KIAA1671: variants seen among roughly 807,000 people sequenced by gnomAD.
KIAA1671 encodes the protein KIAA1671, also known as uncharacterized protein KIAA1671.
Under a neutral mutation model 131.2 loss-of-function variants are expected in KIAA1671, and 52 were observed. The observed-to-expected ratio is 0.40, with a 90% CI of 0.32 to 0.50. The LOEUF is 0.50. KIAA1671 is among the 20% of genes least tolerant of loss of function. The probability of loss-of-function intolerance (pLI) is 0.73; values close to 1 mark genes in which losing one functional copy is unlikely to be tolerated. For synonymous variants in KIAA1671, 1,003 were observed against 961.6 expected (o/e 1.04, Z -0.80); for missense variants, 2,360 against 2,364.2 (o/e 1.00, Z 0.04).
At chr22:25,025,870 TTC>T (rs1366446790) in intron 2 of KIAA1671, 86 bp downstream of exon 2, 2 of 152,314 alleles carry the variant, frequency 1.3e-5, no homozygotes, top group Non-Finnish European at 2.9e-5. Flanking sequence ...CCAGAGAATT[TTC>T]TCTCTGTCCT....
At chr22:24,969,250 CAG>C (rs1922472807) in intron 1 of KIAA1671, among the ~76,000 whole-genome samples, 1 of 152,144 alleles carries the variant, frequency 6.6e-6, no homozygotes, top group East Asian at 1.9e-4. Flanking sequence ...TTGGTATACT[CAG>C]GGGATTGGTT....
intron 6 of KIAA1671, among the ~76,000 whole-genome samples, chr22:25,144,087 A>C (rs1932842835): frequency 6.6e-6 from 1 of 152,200 alleles, no homozygotes; most frequent in African/African-American, 2.4e-5. Context: ...GCTTTGTTGT[A>C]AAAGTGTTTG....
chr22:25,125,349 T>A (rs1268534090), intron 6 of KIAA1671, among the ~76,000 whole-genome samples: 2 of 152,162 alleles, frequency 1.3e-5, no homozygotes, highest in African/African-American at 4.8e-5. Flanking sequence ...ATCCAAGAGG[T>A]ATTATCTATG....
Position 25,185,125 on chromosome 22 carries a change from G to A in KIAA1671, c.5342+6G>A. The A allele has an allele frequency of 1.3e-6, 2 of 1,538,910 alleles. No homozygotes were observed. Among genetic ancestry groups the A allele is most frequent in the Non-Finnish European group, 1.8e-6 (2 of 1,140,362 alleles). ...AGCATGGACAAGGATGAGAGGTGAG[G>A]GGTCTTGGGGAATGGGGGTCCCTCT... On this transcript the variant is annotated splice_donor_region_variant and intron_variant, in intron 11 of 12. Coordinates refer to ENST00000358431, the MANE Select transcript of KIAA1671 (RefSeq NM_001145206.2).
chr22:24,981,494 T>C (rs1215049080), intron 1 of KIAA1671, among the ~76,000 whole-genome samples: 1 of 152,172 alleles, frequency 6.6e-6, no homozygotes, highest in Non-Finnish European at 1.5e-5. Context: ...GACATGACTC[T>C]TAGCCCTGGA....
At chr22:24,958,994 A>AAG (rs1555946879) in intron 1 of KIAA1671, among the ~76,000 whole-genome samples, 3 of 149,778 alleles carry the variant, frequency 2.0e-5, no homozygotes, top group African/African-American at 7.4e-5. Context: ...AAAAAAAAAA[A>AAG]AAAAGAAAAG....
At chr22:25,068,247 A>AGGGAGCAGGGCC (rs1928596980) in intron 6 of KIAA1671, among the ~76,000 whole-genome samples, 1 of 152,204 alleles carries the variant, frequency 6.6e-6, no homozygotes, top group Non-Finnish European at 1.5e-5. Flanking sequence ...CTGTGCTGCC[A>AGGGAGCAGGGCC]GTCCCTGGCT....
In KIAA1671 at chr22:25,096,316, G is replaced by T. The variant is rs371153570; in HGVS notation, c.4530+46952G>T. 3.3e-5 allele frequency among the ~76,000 whole-genome samples: 5 copies of T among 152,300 alleles called. No homozygotes were observed. In the East Asian group the frequency reaches 9.7e-4, roughly 29 times the overall value. ...CAGGGTGGCAGTGGCAGTTACAGCC[G>T]CTTGTCCACGGGCTGTCTCCGAGGG... On this transcript the variant is annotated intron_variant, in intron 6 of 12. Transcript: ENST00000358431.
intron 6 of KIAA1671, among the ~76,000 whole-genome samples, chr22:25,068,484 TG>T: frequency 6.6e-6 from 1 of 152,026 alleles, no homozygotes; most frequent in South Asian, 2.1e-4. Context: ...TCACCCAGGC[TG>T]GAGTGCAGTG....
intron 6 of KIAA1671, among the ~76,000 whole-genome samples, chr22:25,165,448 T>C (rs1376608903): frequency 1.3e-5 from 2 of 152,240 alleles, no homozygotes; most frequent in African/African-American, 2.4e-5. Flanking sequence ...ATAATTATTA[T>C]ACTGTGGAAA....
At chr22:25,019,903 T>A (rs1925570178) in intron 1 of KIAA1671, among the ~76,000 whole-genome samples, 1 of 152,306 alleles carries the variant, frequency 6.6e-6, no homozygotes, top group Non-Finnish European at 1.5e-5. Flanking sequence ...ACTGACAGGT[T>A]GCAGCTTTTG....
intron 6 of KIAA1671, among the ~76,000 whole-genome samples, chr22:25,099,537 GTTTTTTTGTTTT>G (rs1327687586): frequency 1.2e-4 from 14 of 112,140 alleles, no homozygotes; most frequent in African/African-American, 4.7e-4. Context: ...CAAAATGTGG[GTTTTTTTGTTTT>G]TTTTTTTTTT....
At chr22:25,155,019 T>C (rs1933181161) in intron 6 of KIAA1671, among the ~76,000 whole-genome samples, 1 of 152,220 alleles carries the variant, frequency 6.6e-6, no homozygotes, top group Non-Finnish European at 1.5e-5. Context: ...ACTCAGGCCT[T>C]CTGCGCCCTC....
Position 24,992,814 on chromosome 22 carries a change from CAAAAAAA to C in KIAA1671, c.-207-32801_-207-32795del, listed in dbSNP as rs761181079. ...TAGGTGACAGAGCGAGACTCCGTCTCAAAAAAAAAAAAAAAAAAAAAAAAGACAATGC... is the reference window on the plus strand; with the variant it reads ...TAGGTGACAGAGCGAGACTCCGTCTCAAAAAAAAAAAAAAAAAGACAATGC... On this transcript the variant is annotated intron_variant, in intron 1 of 12. Coordinates refer to ENST00000358431, the MANE Select transcript of KIAA1671 (RefSeq NM_001145206.2). 9.9e-4 allele frequency among the ~76,000 whole-genome samples: 57 copies of C among 57,380 alleles called. 2 individuals carry two copies. The highest frequency in any genetic ancestry group is 0.018 in the Middle Eastern group (1 of 56). 37.6% of individuals were successfully genotyped at this position (57,380 alleles called of 152,430 possible).
rs1042462615 is a variant in KIAA1671 at position 25,030,459 on chromosome 22, C to T, written c.1541+919C>T. Among the ~76,000 whole-genome samples, 11 of 151,144 alleles carry T rather than the reference C, an allele frequency of 7.3e-5. 1 individual carries two copies. In the East Asian group the frequency reaches 7.9e-4, roughly 11 times the overall value. On this transcript the variant is annotated intron_variant, in intron 3 of 12. Transcript: ENST00000358431. ...CTGAGGCAGGAGAATCGCTTGAACT[C>T]GGGAGGCAGAGGTTGCAGTGAGCCG...
Position 25,028,400 on chromosome 22 carries a change from C to T in KIAA1671, c.401C>T (p.Ala134Val), listed in dbSNP as rs1222390732. 2 of 1,550,878 alleles carry T rather than the reference C, an allele frequency of 1.3e-6. No individual in the cohort carries two copies. The highest frequency in any genetic ancestry group is 1.4e-5 in the African/African-American group (1 of 73,062). The stretch of plus-strand genomic sequence containing the variant: ...ACGAGCTCGCCCCTCTTCAACAAGG[C>T]TGTGTTCCTGCGGCCCAGCTCCAGC... ...PRTSSPLFNK[A>V]VFLRPSSSTM... The change falls in exon 3 of 13, where the codon GCT becomes GTT. Residue 134 changes from alanine (A) to valine (V), a missense_variant. Physicochemically the swap from Ala to Val is moderately conservative, Grantham distance 64 (BLOSUM62 0). Transcript: ENST00000358431.
intron 11 of KIAA1671, chr22:25,186,461 C>T (rs1334610084): frequency 6.6e-6 from 1 of 152,258 alleles, no homozygotes; most frequent in Non-Finnish European, 1.5e-5. Flanking sequence ...AAAAAATTAG[C>T]TGGCTGTGGT....
chr22:25,190,962 G>A (rs1934654487), intron 12 of KIAA1671, among the ~76,000 whole-genome samples, 178 bp downstream of exon 12: 1 of 152,078 alleles, frequency 6.6e-6, no homozygotes. Flanking sequence ...GGTTATGTCT[G>A]TTTCCATTTA....
chr22:25,049,472 G>T (rs1289131293), intron 6 of KIAA1671, 108 bp downstream of exon 6: 1 of 1,272,258 alleles, frequency 7.9e-7, no homozygotes, highest in Non-Finnish European at 1.1e-6. Context: ...CCCTGACGGG[G>T]TTGAGGGCAG....
Sources: gnomAD v4.1 joint callset for allele counts (sites outside exome capture counted in the v4.1 genomes callset) on GRCh38, gnomAD v4.1.1 for gene constraint, MANE v1.5 for transcripts, NCBI Gene and HGNC (gene_info 2026-07-23, HGNC 2026-07-21) for gene names.